Variants in CLCC1 observed in about 807,000 individuals in gnomAD.
The protein encoded by CLCC1 is chloride channel CLIC-like protein 1.
Under a neutral mutation model 63.3 loss-of-function variants are expected in CLCC1, and 39 were observed. The observed-to-expected ratio is 0.62, with a 90% confidence interval of 0.48 to 0.81. The LOEUF (loss-of-function observed/expected upper bound fraction) is 0.81, where lower values mean the gene tolerates loss of function less well. Ranked by LOEUF, CLCC1 falls within the 30% of genes least tolerant of loss-of-function variation. The pLI is 0.00. For missense variants in CLCC1, 549 were observed against 669.4 expected (o/e 0.82, Z 1.98); for synonymous variants, 217 against 239.8 (o/e 0.90, Z 0.88).
intron 11 of CLCC1, among the ~76,000 whole-genome samples, 186 bp downstream of exon 11, chr1:108,936,891 T>C (rs180819743): frequency 6.2e-4 from 94 of 152,372 alleles, no homozygotes; most frequent in Middle Eastern, 3.4e-3. Flanking sequence ...AAAAGTTAAA[T>C]CTAATTTTAT....
rs968845991 is a variant in CLCC1 at position 108,947,670 on chromosome 1, T to G, written c.280A>C (p.Asn94His). The change falls in exon 5 of 13, where the codon AAT (asparagine) becomes CAT (histidine). Residue 94 changes from asparagine (N) to histidine (H), a missense_variant. By Grantham distance (68) the Asn-to-His change is moderately conservative. Coordinates refer to ENST00000369969, the MANE Select transcript of CLCC1 (RefSeq NM_001377458.1). ...TTTAAGTATCTCCTAAAAACAGGATTGCTTTGACTTTCATAGTCTTCCCTC... is the reference window on the plus strand; with the variant it reads ...TTTAAGTATCTCCTAAAAACAGGATGGCTTTGACTTTCATAGTCTTCCCTC... ...KKREDYESQSNPVFRRYLNKI... is the reference protein window; with the variant it reads ...KKREDYESQSHPVFRRYLNKI... The G allele has an allele frequency of 1.9e-6, 3 of 1,612,302 alleles. No homozygotes were observed.
rs1321304180 is a variant in CLCC1, at chr1:108,943,617, T to C, written c.562-2A>G. 2 of 1,573,454 alleles carry C rather than the reference T, an allele frequency of 1.3e-6. No homozygotes were observed. The highest frequency in any genetic ancestry group is 2.2e-5 in the South Asian group (2 of 89,882). ...GATGCAGAGCAGACAAAGAAGTACC[T>C]TAAAACAGAGAGAAGCAGAAATCAG... On this transcript the variant is annotated splice_acceptor_variant, in intron 6 of 12. Transcript: ENST00000369969. LOFTEE classifies it high-confidence loss of function.
intron 2 of CLCC1, among the ~76,000 whole-genome samples, chr1:108,952,060 G>T: frequency 6.6e-6 from 1 of 152,148 alleles, no homozygotes; most frequent in East Asian, 1.9e-4. Context: ...TTACAGGCAT[G>T]AGCCACTGCA....
chr1:108,947,428 A>T lies in CLCC1; in HGVS notation c.339+183T>A, dbSNP rs573596671. On this transcript the variant is annotated intron_variant, in intron 5 of 12. Coordinates refer to ENST00000369969, the MANE Select transcript of CLCC1 (RefSeq NM_001377458.1). ...GAGCGGTCTGCACTGCTCATCTTCC[A>T]CCAGACCACTGCAAAGCAGTATAGT... is the stretch of plus-strand genomic sequence containing the variant. Among the ~76,000 whole-genome samples the T allele has an allele frequency of 4.8e-4, 73 of 152,316 alleles. 2 individuals are homozygous for T. In the South Asian group the frequency reaches 0.015, roughly 31 times the overall value.
At chr1:108,941,727 C>T (rs1311232600) in intron 7 of CLCC1, among the ~76,000 whole-genome samples, 1 of 152,108 alleles carries the variant, frequency 6.6e-6, no homozygotes, top group African/African-American at 2.4e-5. Flanking sequence ...AATCTCGGCT[C>T]ACTGCAACCA....
rs1652645485 is a variant in CLCC1 at position 108,934,862 on chromosome 1, A to C, written c.1464T>G (p.Thr488=). The change falls in exon 12 of 13, where the codon ACT becomes ACG. Residue 488 remains threonine, a synonymous_variant. Coordinates refer to ENST00000369969, the MANE Select transcript of CLCC1 (RefSeq NM_001377458.1). ...CAGGCTTGGCCGACTGGCTGCTTTCAGTACTGCTTTCTTTCGGTGTGCCTT... is the reference window on the plus strand; with the variant it reads ...CAGGCTTGGCCGACTGGCTGCTTTCCGTACTGCTTTCTTTCGGTGTGCCTT... ...LGEGTPKESS[T]ESSQSAKPVS... 5.6e-6 allele frequency: 9 copies of C among 1,614,114 alleles called. No homozygotes were observed. The highest frequency in any genetic ancestry group is 7.6e-6 in the Non-Finnish European group (9 of 1,180,040).
rs1651919316 is a variant in CLCC1 at position 108,931,325 on chromosome 1, G to A, written c.*1222C>T. ...TTCCTTATCCCAGATATTGAAGGCA[G>A]TTTACAAGGGGATGATAACAAAGTA... On this transcript the variant is annotated 3_prime_UTR_variant, in exon 13 of 13. Coordinates refer to ENST00000369969, the MANE Select transcript of CLCC1 (RefSeq NM_001377458.1). 2 of 1,549,488 alleles carry A rather than the reference G, an allele frequency of 1.3e-6. No homozygotes were observed. Among genetic ancestry groups the A allele is most frequent in the Non-Finnish European group, 1.7e-6 (2 of 1,146,238 alleles).
intron 5 of CLCC1, among the ~76,000 whole-genome samples, chr1:108,944,786 C>T (rs945549260): frequency 6.6e-6 from 1 of 152,110 alleles, no homozygotes; most frequent in Non-Finnish European, 1.5e-5. Flanking sequence ...CCCGCCACTA[C>T]GCCTGGCTAA....
At chr1:108,961,529 C>G (rs1656639128) in intron 2 of CLCC1, among the ~76,000 whole-genome samples, 1 of 152,144 alleles carries the variant, frequency 6.6e-6, no homozygotes, top group Non-Finnish European at 1.5e-5. Context: ...CTGTCTCAGG[C>G]TTCGGTACTA....
chr1:108,961,631 G>C (rs557339455), intron 2 of CLCC1, among the ~76,000 whole-genome samples: 13 of 152,140 alleles, frequency 8.5e-5, no homozygotes, highest in Admixed American at 8.5e-4. Flanking sequence ...AGGCCAAGGC[G>C]GGCGCATCAC....
chr1:108,938,582 T>C (rs1199995135), intron 10 of CLCC1, among the ~76,000 whole-genome samples: 1 of 152,178 alleles, frequency 6.6e-6, no homozygotes, highest in Non-Finnish European at 1.5e-5. Context: ...ACTTGGGTAA[T>C]AGCTAAAAAA....
chr1:108,949,417 CCTT>C (rs1268790506), intron 4 of CLCC1, among the ~76,000 whole-genome samples: 5 of 152,176 alleles, frequency 3.3e-5, no homozygotes, highest in African/African-American at 4.8e-5. Context: ...TTATAATAAT[CCTT>C]CTTAAGAGTA....
rs763858570 is a variant in CLCC1, at chr1:108,937,090, G to A, written c.1370C>T (p.Thr457Met). The change falls in exon 11 of 13, where the codon ACG becomes ATG. Residue 457 changes from threonine to methionine, a missense_variant. Physicochemically the swap from Thr to Met is moderately conservative, Grantham distance 81. Coordinates refer to ENST00000369969, the MANE Select transcript of CLCC1 (RefSeq NM_001377458.1). ...VPDAEAREHP[T>M]VVPSHKSPVL... The stretch of plus-strand genomic sequence containing the variant: ...TTGCTGACTTACACTGGGTACCACC[G>A]TGGGATGCTCTCGTGCCTCTGCGTC... The A allele has an allele frequency of 2.0e-5, 30 of 1,509,914 alleles. No individual in the cohort carries two copies. Among genetic ancestry groups the A allele is most frequent in the Admixed American group, 4.6e-5 (2 of 43,658 alleles). The allele number at this position is 1,509,914 out of a possible 1,614,324, so 93.5% of individuals were successfully genotyped here. A position where few individuals can be genotyped will look rare whatever the true frequency, so the allele number is the denominator to read the frequency against.
At chr1:108,952,500 TAAGAA>T (rs1162068578) in intron 2 of CLCC1, among the ~76,000 whole-genome samples, 1 of 151,404 alleles carries the variant, frequency 6.6e-6, no homozygotes, top group Non-Finnish European at 1.5e-5. Flanking sequence ...AAATGAGAAA[TAAGAA>T]AAGTGGGAAA....
chr1:108,938,761 C>A (rs1653373938), intron 10 of CLCC1, among the ~76,000 whole-genome samples: 1 of 152,150 alleles, frequency 6.6e-6, no homozygotes, highest in African/African-American at 2.4e-5. Flanking sequence ...GCTGCAAAAA[C>A]TGACTAGAAA....
chr1:108,963,234 TC>T (rs1656903636), intron 1 of CLCC1, 126 bp downstream of exon 1: 4 of 600,856 alleles, frequency 6.7e-6, no homozygotes, highest in Non-Finnish European at 1.2e-5. Flanking sequence ...GCTAGCACGG[TC>T]CCCGCCCCGG....
Position 108,940,038 on chromosome 1 carries a change from GCTATA to G in CLCC1, c.894+2_894+6del. ...TTTAAGTAATTTTTACAAAATATATGCTATACCTTTGTTGGTGGGACCAACCAAAT... is the reference window on the plus strand; with the variant it reads ...TTTAAGTAATTTTTACAAAATATATGCCTTTGTTGGTGGGACCAACCAAAT... On this transcript the variant is annotated splice_donor_variant and splice_donor_5th_base_variant and intron_variant, in intron 9 of 12. Transcript: ENST00000369969. LOFTEE classifies it high-confidence loss of function. 1 of 1,592,726 alleles carries G rather than the reference GCTATA, an allele frequency of 6.3e-7. No individual in the cohort carries two copies. The highest frequency in any genetic ancestry group is 8.6e-7 in the Non-Finnish European group (1 of 1,163,588).
rs1055200994 is a variant in CLCC1, at chr1:108,958,261, T to C, written c.-12+4048A>G. Among the ~76,000 whole-genome samples, 12 of 151,656 alleles carry C rather than the reference T, an allele frequency of 7.9e-5. 1 individual carries two copies. The highest frequency in any genetic ancestry group is 2.9e-4 in the African/African-American group (12 of 40,910). On this transcript the variant is annotated intron_variant, in intron 2 of 12. Coordinates refer to ENST00000369969, the MANE Select transcript of CLCC1 (RefSeq NM_001377458.1). ...GAGGTTTCAGTTACCCACAGTCAAC[T>C]GCAGTCTGAAAATATTAAATGGAAA...
intron 2 of CLCC1, among the ~76,000 whole-genome samples, chr1:108,956,320 C>T (rs893524813): frequency 1.3e-5 from 2 of 151,286 alleles, no homozygotes; most frequent in African/African-American, 4.9e-5. Context: ...CCCCATCACA[C>T]CCCATAAAAC....
Sources: allele counts gnomAD v4.1 joint callset (sites outside exome capture counted in the v4.1 genomes callset), GRCh38; gene constraint gnomAD v4.1.1; transcripts MANE v1.5; gene names NCBI Gene and HGNC (gene_info 2026-07-23, HGNC 2026-07-21).